The following NFATC2 variants were observed in gnomAD, a reference collection of about 807,000 sequenced individuals.
NFATC2 encodes the protein nuclear factor of activated T cells 2, also known as nuclear factor of activated T-cells, cytoplasmic 2.
In NFATC2, 22 loss-of-function variants were observed where a neutral mutation model predicts 87.3. That is an observed-to-expected ratio of 0.25 (90% confidence interval 0.18 to 0.36). The LOEUF is 0.36. NFATC2 is among the 10% of genes least tolerant of loss of function. The pLI is 1.00. For synonymous variants in NFATC2, 565 were observed against 542.2 expected, an observed-to-expected ratio of 1.04 and a Z score of -0.58; for missense variants, 1,149 against 1,259.1, an observed-to-expected ratio of 0.91 and a Z score of 1.32.
At chr20:51,470,398 A>G (rs1379172254) in intron 5 of NFATC2, among the ~76,000 whole-genome samples, 1 of 152,208 alleles carries the variant, frequency 6.6e-6, no homozygotes, top group Non-Finnish European at 1.5e-5. Context: ...GTGAGATTGC[A>G]GCTCTGACCA....
At chr20:51,494,951 AAGG>A (rs2075963407) in intron 3 of NFATC2, among the ~76,000 whole-genome samples, 1 of 152,134 alleles carries the variant, frequency 6.6e-6, no homozygotes, top group Non-Finnish European at 1.5e-5. Context: ...CACACTTGGA[AAGG>A]AGGTCAGCAC....
intron 3 of NFATC2, among the ~76,000 whole-genome samples, chr20:51,478,614 C>T (rs960688945): frequency 6.6e-5 from 10 of 152,228 alleles, no homozygotes; most frequent in African/African-American, 7.2e-5. Flanking sequence ...GCCCAGCTTA[C>T]CTCTGGCTGG....
At chr20:51,397,643 C>CAAAAAGTCCTGAG (rs1987374503) in intron 10 of NFATC2, among the ~76,000 whole-genome samples, 1 of 152,140 alleles carries the variant, frequency 6.6e-6, no homozygotes, top group Admixed American at 6.5e-5. Flanking sequence ...TCCTCAGATG[C>CAAAAAGTCCTGAG]AAAAAGTCCT....
chr20:51,508,680 G>T (rs773505684), intron 3 of NFATC2, among the ~76,000 whole-genome samples: 2 of 152,056 alleles, frequency 1.3e-5, no homozygotes, highest in African/African-American at 2.4e-5. Context: ...AATAGCAGGA[G>T]TCTCGGCAGG....
At chr20:51,493,323 T>A (rs956285004) in intron 3 of NFATC2, among the ~76,000 whole-genome samples, 4 of 152,226 alleles carry the variant, frequency 2.6e-5, no homozygotes, top group Non-Finnish European at 5.9e-5. Context: ...TAGTAAGCGC[T>A]CAGTAAACGT....
intron 3 of NFATC2, among the ~76,000 whole-genome samples, chr20:51,512,690 A>C (rs923449995): frequency 2.0e-5 from 3 of 152,264 alleles, no homozygotes; most frequent in Non-Finnish European, 4.4e-5. Context: ...TTTTCTTTTT[A>C]TATAAAGAGG....
rs1986801484 is a variant in NFATC2, at chr20:51,394,688, G to A, written c.*45-3237C>T. Among the ~76,000 whole-genome samples, 3 of 141,916 alleles carry A rather than the reference G, an allele frequency of 2.1e-5. No individual in the cohort carries two copies. In the South Asian group the frequency reaches 6.2e-4, roughly 29 times the overall value. 93.1% of individuals were successfully genotyped at this position (141,916 alleles called of 152,430 possible). On this transcript the variant is annotated intron_variant, in intron 10 of 10. Transcript: ENST00000371564. Reference sequence around the variant, plus strand: ...ACACAGAAGCTTAGAAAGGGATTGGGAAACTTCAGGTCACAGTCAGGATTG... The same window carrying A: ...ACACAGAAGCTTAGAAAGGGATTGGAAAACTTCAGGTCACAGTCAGGATTG...
At position 51,441,355 on chromosome 20, in the gene NFATC2, C is replaced by G. The variant is rs979202373; in HGVS notation, c.1850-5594G>C. 2.0e-5 allele frequency among the ~76,000 whole-genome samples: 3 copies of G among 152,088 alleles called. No homozygotes were observed. In the South Asian group the frequency reaches 6.2e-4, roughly 32 times the overall value. On this transcript the variant is annotated intron_variant, in intron 6 of 10. Transcript: ENST00000371564. ...TCTGCCCAGGTTCAAGTTCTGTCCC[C>G]AAAGTTTACTCACTGTGTGGCCTTC...
In NFATC2 at chr20:51,427,521, G is replaced by A. The variant is rs370343438; in HGVS notation, c.2722+4546C>T. On this transcript the variant is annotated intron_variant, in intron 9 of 10. Coordinates refer to ENST00000371564, the MANE Select transcript of NFATC2 (RefSeq NM_012340.5). ...CCATCATGCTCCTGTCACGGGATTCGTTTTCAATTCACACATCCCCCTTTT... is the reference window on the plus strand; with the variant it reads ...CCATCATGCTCCTGTCACGGGATTCATTTTCAATTCACACATCCCCCTTTT... 4.6e-5 allele frequency among the ~76,000 whole-genome samples: 7 copies of A among 152,272 alleles called. No homozygotes were observed. In the South Asian group the frequency reaches 1.5e-3, roughly 32 times the overall value.
chr20:51,516,971 A>C lies in NFATC2; in HGVS notation c.1161-16T>G. ...CACTGGGATGCTAAAGGAGAAAATA[A>C]AATCAGCCATGTGTGCAATAAACCA... is the stretch of plus-strand genomic sequence containing the variant. On this transcript the variant is annotated splice_polypyrimidine_tract_variant and intron_variant, in intron 2 of 10. Coordinates refer to ENST00000371564, the MANE Select transcript of NFATC2 (RefSeq NM_012340.5). The C allele has an allele frequency of 1.9e-6, 3 of 1,595,498 alleles. No individual in the cohort carries two copies. The South Asian group carries it at 3.4e-5, about 18-fold the overall frequency.
intron 3 of NFATC2, among the ~76,000 whole-genome samples, chr20:51,490,573 T>C (rs866481637): frequency 5.3e-5 from 8 of 152,226 alleles, no homozygotes; most frequent in African/African-American, 7.2e-5. Context: ...AAAGAAACTT[T>C]ATGTTGCTGC....
chr20:51,432,217 C>G lies in NFATC2; in HGVS notation c.2572G>C (p.Gly858Arg), dbSNP rs1225406810. 2 of 1,613,622 alleles carry G rather than the reference C, an allele frequency of 1.2e-6. No homozygotes were observed. The highest frequency in any genetic ancestry group is 1.7e-6 in the Non-Finnish European group (2 of 1,179,762). ...PVSQGQRLSP[G>R]SYPTVIQQQN... The stretch of plus-strand genomic sequence containing the variant: ...TGCTGAATGACTGTGGGGTAGGAAC[C>G]CGGGCTCAGCCTCTGACCTTGACTG... Residue 858 changes from glycine (G) to arginine (R), a missense_variant, in exon 9 of 11, where the codon GGT becomes CGT. By Grantham distance (125) the Gly-to-Arg change is moderately radical. Coordinates refer to ENST00000371564, the MANE Select transcript of NFATC2 (RefSeq NM_012340.5). This position sits in a 1 kb window ranked among gnomAD's most constrained non-coding sequence, Gnocchi z 4.6.
chr20:51,490,467 A>G (rs575704163), intron 3 of NFATC2, among the ~76,000 whole-genome samples: 1 of 152,274 alleles, frequency 6.6e-6, no homozygotes, highest in South Asian at 2.1e-4. Flanking sequence ...AACCTCAGTC[A>G]TTTTCCAGCC....
In NFATC2 at chr20:51,389,651, A is replaced by C. The variant is rs762429529; in HGVS notation, c.*1845T>G. 3.3e-5 allele frequency: 5 copies of C among 152,114 alleles called. No individual in the cohort carries two copies. Among genetic ancestry groups the C allele is most frequent in the Non-Finnish European group, 5.9e-5 (4 of 68,018 alleles). 9.4% of individuals were successfully genotyped at this position (152,114 alleles called of 1,614,324 possible). ...GAAAGGTCGTTCATTGTCAGGGAAA[A>C]ATAAATGCTAGGTATCGACCGACAG... On this transcript the variant is annotated 3_prime_UTR_variant, in exon 11 of 11. Coordinates refer to ENST00000371564, the MANE Select transcript of NFATC2 (RefSeq NM_012340.5).
At chr20:51,425,555 G>A (rs558551139) in intron 9 of NFATC2, among the ~76,000 whole-genome samples, 39 of 152,300 alleles carry the variant, frequency 2.6e-4, no homozygotes, top group South Asian at 8.3e-4. Flanking sequence ...CGTGGCTGCC[G>A]GGCTCACGGC....
chr20:51,477,570 TATATATATATAAA>T (rs1280844637), intron 3 of NFATC2, among the ~76,000 whole-genome samples: 1 of 86,832 alleles, frequency 1.2e-5, no homozygotes. Context: ...TATATATATA[TATATATATATAAA>T]ATAACAAGAG....
chr20:51,476,347 AAG>A (rs771609448), intron 3 of NFATC2, among the ~76,000 whole-genome samples: 13 of 151,978 alleles, frequency 8.6e-5, no homozygotes, highest in Non-Finnish European at 1.6e-4. Context: ...AACTTTAAAA[AAG>A]AGTGTGACAA....
rs369253894 is a variant in NFATC2, at chr20:51,516,734, C to A, written c.1332+50G>T. On this transcript the variant is annotated intron_variant, in intron 3 of 10. Coordinates refer to ENST00000371564, the MANE Select transcript of NFATC2 (RefSeq NM_012340.5). The stretch of plus-strand genomic sequence containing the variant: ...AAACAGTGGGTCAGCAGAAGTGAAT[C>A]TCTTAGTGACAAACACCACACACAA... 8.2e-5 allele frequency: 127 copies of A among 1,539,844 alleles called. No homozygotes were observed. The African/African-American group carries it at 1.5e-3, about 18-fold the overall frequency.
rs1371884428 is a variant in NFATC2, at chr20:51,449,742, T to A, written c.1849+4806A>T. Among the ~76,000 whole-genome samples, 10 of 152,294 alleles carry A rather than the reference T, an allele frequency of 6.6e-5. 1 individual carries two copies. Among genetic ancestry groups the A allele is most frequent in the Admixed American group, 6.5e-4 (10 of 15,294 alleles). ...CTGCCCTTTATCAGCTGTGTGATCT[T>A]CACTAAGTTACTTAACTTCTCTGTG... On this transcript the variant is annotated intron_variant, in intron 6 of 10. Coordinates refer to ENST00000371564, the MANE Select transcript of NFATC2 (RefSeq NM_012340.5).
Sources: allele counts gnomAD v4.1 joint callset (sites outside exome capture counted in the v4.1 genomes callset), GRCh38; gene constraint gnomAD v4.1.1; non-coding constraint Gnocchi (gnomAD v3.1); transcripts MANE v1.5; gene names NCBI Gene and HGNC (gene_info 2026-07-23, HGNC 2026-07-21).